Variants in OR7E24 observed in about 807,000 individuals in gnomAD.
The protein encoded by OR7E24 is olfactory receptor family 7 subfamily E member 24.
For missense variants in OR7E24, 385 were observed against 410.3 expected (o/e 0.94, Z 0.53); for synonymous variants, 130 against 157.5 (o/e 0.83, Z 1.31).
the OR7E24 span, among the ~76,000 whole-genome samples, chr19:9,227,576 C>A: frequency 2.2e-4 from 34 of 151,856 alleles, no homozygotes; most frequent in Non-Finnish European, 7.4e-5. Context: ...TGTATATGTA[C>A]CACATTTTCT....
the OR7E24 span, among the ~76,000 whole-genome samples, chr19:9,225,985 G>A: frequency 1.3e-5 from 2 of 152,190 alleles, no homozygotes; most frequent in African/African-American, 4.8e-5. Flanking sequence ...CTCCTGGGCT[G>A]CTCCCATCAC....
chr19:9,231,579 C>G, the OR7E24 span, among the ~76,000 whole-genome samples: 1 of 152,182 alleles, frequency 6.6e-6, no homozygotes, highest in Non-Finnish European at 1.5e-5. Flanking sequence ...GACTCTGTCT[C>G]AAAAACAAAA....
the OR7E24 span, chr19:9,209,131 T>G: frequency 6.6e-6 from 1 of 152,190 alleles, no homozygotes; most frequent in Non-Finnish European, 1.5e-5. Flanking sequence ...GTTTGGATGG[T>G]TCACAGTAGC....
the OR7E24 span, among the ~76,000 whole-genome samples, chr19:9,238,251 A>ATTC: frequency 6.6e-6 from 1 of 152,164 alleles, no homozygotes; most frequent in African/African-American, 2.4e-5. Flanking sequence ...AGAGCAAGTG[A>ATTC]CAGCCTGGGT....
chr19:9,247,718 T>C (rs1174345734), upstream of OR7E24, among the ~76,000 whole-genome samples: 2 of 152,226 alleles, frequency 1.3e-5, no homozygotes, highest in Non-Finnish European at 2.9e-5. Flanking sequence ...CTATTTTACA[T>C]TTCCATACTC....
chr19:9,251,771 T>TTC lies in OR7E24; in HGVS notation c.718_719dup (p.Arg241Ter). 1.9e-6 allele frequency: 3 copies of TTC among 1,611,890 alleles called. No homozygotes were observed. Among genetic ancestry groups the TTC allele is most frequent in the Non-Finnish European group, 2.5e-6 (3 of 1,178,884 alleles). ...TCTTACTATAAAATTGTTTCCCCCA[T>TTC]TCTGAGAGTTCCAACATCAGATGGG... On this transcript the variant is annotated frameshift_variant, in exon 2 of 2. Coordinates refer to the OR7E24 transcript ENST00000641946. LOFTEE classifies it low-confidence loss of function (END_TRUNC).
At chr19:9,245,895 G>A (rs2066127937), upstream of OR7E24, among the ~76,000 whole-genome samples, 1 of 152,018 alleles carries the variant, frequency 6.6e-6, no homozygotes, top group Non-Finnish European at 1.5e-5. Flanking sequence ...CCCAGACTGC[G>A]CCAAAGCTTC....
chr19:9,246,787 A>G (rs1381649076), upstream of OR7E24, among the ~76,000 whole-genome samples: 1 of 152,202 alleles, frequency 6.6e-6, no homozygotes. Flanking sequence ...TATTTATGTC[A>G]AGTATTTTGT....
upstream of OR7E24, among the ~76,000 whole-genome samples, chr19:9,245,140 G>A (rs1415584263): frequency 3.3e-5 from 5 of 152,100 alleles, no homozygotes; most frequent in East Asian, 3.9e-4. Context: ...GCTTGAACCC[G>A]GGTGGTGAAG....
the OR7E24 span, among the ~76,000 whole-genome samples, chr19:9,239,571 T>A: frequency 2.0e-5 from 3 of 152,212 alleles, no homozygotes; most frequent in Non-Finnish European, 4.4e-5. Context: ...CTGAGTGTTT[T>A]TTCATATACC....
the OR7E24 span, among the ~76,000 whole-genome samples, chr19:9,217,536 G>A: frequency 5.9e-5 from 9 of 151,610 alleles, no homozygotes; most frequent in Non-Finnish European, 1.2e-4. Context: ...TGGATCATTG[G>A]TTTGTTTGTT....
chr19:9,217,251 G>T, the OR7E24 span, among the ~76,000 whole-genome samples: 1 of 151,992 alleles, frequency 6.6e-6, no homozygotes, highest in Non-Finnish European at 1.5e-5. Context: ...CTAATATCAG[G>T]GCAATGAATT....
chr19:9,247,927 A>G (rs1348301752), upstream of OR7E24, among the ~76,000 whole-genome samples: 1 of 151,998 alleles, frequency 6.6e-6, no homozygotes, highest in Non-Finnish European at 1.5e-5. Context: ...ATGATTATTG[A>G]AGTCCTCTGC....
At position 9,251,734 on chromosome 19, in the gene OR7E24, G is replaced by C; in HGVS notation, c.691G>C (p.Gly231Arg). 6.2e-7 allele frequency: 1 copy of C among 1,612,494 alleles called. No individual in the cohort carries two copies. Among genetic ancestry groups the C allele is most frequent in the South Asian group, 1.1e-5 (1 of 90,892 alleles). Residue 231 changes from glycine to arginine, a missense_variant, in exon 1 of 1, where the codon GGG becomes CGG. Physicochemically the swap from Gly to Arg is moderately radical, Grantham distance 125. Coordinates refer to ENST00000456448, the MANE Select transcript of OR7E24 (RefSeq NM_001079935.2). Reference protein sequence around the residue: ...GAIFGCLPISGILFSYYKIVS... With the variant: ...GAIFGCLPISRILFSYYKIVS... ...CATATTTGGCTGTCTCCCTATCTCA[G>C]GGATCCTTTTCTCTTACTATAAAAT...
At chr19:9,233,262 C>T in the OR7E24 span, among the ~76,000 whole-genome samples, 1 of 152,112 alleles carries the variant, frequency 6.6e-6, no homozygotes, top group African/African-American at 2.4e-5. Flanking sequence ...GTATCACTGC[C>T]GTTTTTCTAC....
upstream of OR7E24, among the ~76,000 whole-genome samples, chr19:9,248,984 A>G (rs181584298): frequency 1.3e-5 from 2 of 152,260 alleles, no homozygotes; most frequent in African/African-American, 4.8e-5. Flanking sequence ...CTATCATCTG[A>G]GTTGATTTCT....
At chr19:9,235,538 A>G in the OR7E24 span, 1 of 1,548,262 alleles carries the variant, frequency 6.5e-7, no homozygotes, top group South Asian at 1.1e-5. Context: ...CCACTGCAGT[A>G]CATGGTCATC....
upstream of OR7E24, among the ~76,000 whole-genome samples, chr19:9,243,617 T>C (rs2144933929): frequency 1.3e-5 from 2 of 152,248 alleles, no homozygotes; most frequent in East Asian, 3.9e-4. Flanking sequence ...CAGGCATCTA[T>C]TTTGAATACA....
Position 9,251,813 on chromosome 19 carries a change from CCACCTGTGGCTCT to C in OR7E24, c.765_777del (p.Cys255TrpfsTer13), listed in dbSNP as rs748342716. 11 of 1,613,334 alleles carry C rather than the reference CCACCTGTGGCTCT, an allele frequency of 6.8e-6. No homozygotes were observed. The African/African-American group carries it at 1.5e-4, about 22-fold the overall frequency. On this transcript the variant is annotated frameshift_variant, in exon 2 of 2. Coordinates refer to the OR7E24 transcript ENST00000641946. LOFTEE classifies it low-confidence loss of function (END_TRUNC). ...TCAGATGGGAAGTATAAAGCCTTCT[CCACCTGTGGCTCT>C]CACCTGGCAGTTGTTTGCTTATTTT...
Sources: allele counts gnomAD v4.1 joint callset (sites outside exome capture counted in the v4.1 genomes callset), GRCh38; gene constraint gnomAD v4.1.1; transcripts MANE v1.5; gene names NCBI Gene and HGNC (gene_info 2026-07-23, HGNC 2026-07-21).